Variants in SORCS2 observed in about 807,000 individuals in gnomAD.
SORCS2 encodes VPS10 domain-containing receptor SorCS2.
Under a neutral mutation model 141.6 loss-of-function variants are expected in SORCS2, and 100 were observed. The ratio of observed to expected loss-of-function variants is 0.71; its 90% CI spans 0.60 to 0.83. The LOEUF is 0.83. SORCS2 is among the 40% of genes least tolerant of loss of function. SORCS2 has a pLI of 0.00. For synonymous variants in SORCS2, 789 were observed against 676.9 expected (o/e 1.17, Z -2.57); for missense variants, 1,646 against 1,560.2 (o/e 1.05, Z -0.93).
At chr4:7,720,344 C>G (rs1474249838) in intron 18 of SORCS2, among the ~76,000 whole-genome samples, 7 of 152,128 alleles carry the variant, frequency 4.6e-5, no homozygotes, top group Admixed American at 4.6e-4. Context: ...CAACCTAAAC[C>G]TCACACCCGA....
At chr4:7,717,731 T>C (rs1726288913) in intron 17 of SORCS2, among the ~76,000 whole-genome samples, 1 of 152,152 alleles carries the variant, frequency 6.6e-6, no homozygotes, top group Non-Finnish European at 1.5e-5. Flanking sequence ...TTACTGTTAC[T>C]GTGAGTAATA....
Position 7,699,908 on chromosome 4 carries a change from GC to G in SORCS2, c.1668+2638del, listed in dbSNP as rs544133905. The stretch of plus-strand genomic sequence containing the variant: ...AAATCATTGTGGGAGCCTCTAACGA[GC>G]CCCTGCCCCTCTTGTCCGTCTCTCC... On this transcript the variant is annotated intron_variant, in intron 12 of 26. Transcript: ENST00000507866. Among the ~76,000 whole-genome samples the G allele has an allele frequency of 4.6e-5, 7 of 152,240 alleles. No individual in the cohort carries two copies. The South Asian group carries it at 1.5e-3, about 32-fold the overall frequency.
intron 2 of SORCS2, among the ~76,000 whole-genome samples, chr4:7,521,357 G>A (rs1733318281): frequency 6.6e-6 from 1 of 152,082 alleles, no homozygotes; most frequent in Non-Finnish European, 1.5e-5. Context: ...TCCGGCACCG[G>A]GCTGCACTTC....
intron 12 of SORCS2, among the ~76,000 whole-genome samples, chr4:7,701,127 C>G (rs1479974550): frequency 6.6e-6 from 1 of 152,016 alleles, no homozygotes; most frequent in East Asian, 1.9e-4. Context: ...GGCACCACCC[C>G]TCTGTGTCAT....
At chr4:7,715,525 T>A (rs1226646994) in intron 17 of SORCS2, among the ~76,000 whole-genome samples, 2 of 152,178 alleles carry the variant, frequency 1.3e-5, no homozygotes, top group African/African-American at 4.8e-5. Context: ...TGAATGACCT[T>A]AGCTCCCAGG....
intron 1 of SORCS2, among the ~76,000 whole-genome samples, chr4:7,214,126 AGCTCTCCCCACTGGG>A (rs1284831960): frequency 2.0e-5 from 3 of 152,138 alleles, no homozygotes; most frequent in African/African-American, 7.2e-5. Flanking sequence ...CTTTGCTTGC[AGCTCTCCCCACTGGG>A]GACAGCTGGT....
intron 2 of SORCS2, among the ~76,000 whole-genome samples, chr4:7,492,548 C>T (rs114752787): frequency 0.012 from 1,844 of 152,290 alleles, 19 homozygotes; most frequent in Non-Finnish European, 0.017. Context: ...GATTTTATTT[C>T]CTTTTGCTAT....
chr4:7,739,938 G>A (rs1043981738), intron 26 of SORCS2, among the ~76,000 whole-genome samples: 1 of 152,200 alleles, frequency 6.6e-6, no homozygotes, highest in African/African-American at 2.4e-5. Context: ...GTCAGTGGCT[G>A]TGGCGGGTTG....
At chr4:7,503,092 G>T (rs547807354) in intron 2 of SORCS2, among the ~76,000 whole-genome samples, 1 of 152,208 alleles carries the variant, frequency 6.6e-6, no homozygotes, top group East Asian at 1.9e-4. Flanking sequence ...AGGGGCTGGG[G>T]AATATATCTG....
intron 1 of SORCS2, among the ~76,000 whole-genome samples, chr4:7,346,927 C>G (rs1011753800): frequency 9.2e-5 from 14 of 152,266 alleles, no homozygotes; most frequent in African/African-American, 2.9e-4. Flanking sequence ...GGGAGCATGT[C>G]AAGCCTATTT....
At chr4:7,591,052 G>A (rs1309476639) in intron 3 of SORCS2, among the ~76,000 whole-genome samples, 2 of 152,194 alleles carry the variant, frequency 1.3e-5, no homozygotes, top group Non-Finnish European at 2.9e-5. Context: ...AGCACACTTG[G>A]CGGGTCTCAA....
intron 1 of SORCS2, among the ~76,000 whole-genome samples, chr4:7,335,048 G>T (rs947034845): frequency 1.2e-4 from 19 of 152,264 alleles, no homozygotes; most frequent in Non-Finnish European, 2.5e-4. Flanking sequence ...AGTAGCAGTG[G>T]GGAGCCATGG....
chr4:7,303,909 G>C (rs1401849909), intron 1 of SORCS2, among the ~76,000 whole-genome samples: 1 of 152,264 alleles, frequency 6.6e-6, no homozygotes, highest in African/African-American at 2.4e-5. Context: ...GCAGGGGCCT[G>C]AGGGGCCAAG....
chr4:7,587,236 G>C (rs1244518733), intron 3 of SORCS2, among the ~76,000 whole-genome samples: 1 of 152,104 alleles, frequency 6.6e-6, no homozygotes, highest in Non-Finnish European at 1.5e-5. Flanking sequence ...AGAGAGTTGA[G>C]GGGTTTTAGG....
In SORCS2 at chr4:7,333,118, GCCGTGCA is replaced by G. The variant is rs1719759359; in HGVS notation, c.481-63169_481-63163del. Among the ~76,000 whole-genome samples the G allele has an allele frequency of 2.0e-5, 3 of 152,180 alleles. No individual in the cohort carries two copies. The South Asian group carries it at 6.2e-4, about 32-fold the overall frequency. ...CAAGTGGATGGGACAAGGCGGTGTG[GCCGTGCA>G]GGCAGGAAGGCAGCCTGCCCCACCT... On this transcript the variant is annotated intron_variant, in intron 1 of 26. Transcript: ENST00000507866.
intron 3 of SORCS2, among the ~76,000 whole-genome samples, chr4:7,578,711 C>G (rs942505195): frequency 6.6e-6 from 1 of 152,210 alleles, no homozygotes; most frequent in South Asian, 2.1e-4. Flanking sequence ...TTGTTCCCAC[C>G]CCGACTTGAC....
At chr4:7,591,257 C>T (rs1275581839) in intron 3 of SORCS2, among the ~76,000 whole-genome samples, 1 of 152,214 alleles carries the variant, frequency 6.6e-6, no homozygotes, top group Non-Finnish European at 1.5e-5. Flanking sequence ...TGCCTCCTCT[C>T]TCCTTCCTAA....
In SORCS2 at chr4:7,193,684, GCGGC is replaced by G. The variant is rs1553889522; in HGVS notation, c.480+559_480+562del. ...TCCCCGGGGTACTCTAGTGCGACCC[GCGGC>G]TGTCTTGAGCTCTTGCTGCCGGTCG... On this transcript the variant is annotated intron_variant, in intron 1 of 26. Coordinates refer to ENST00000507866, the MANE Select transcript of SORCS2 (RefSeq NM_020777.3). The surrounding 1 kb of genome is among the most constrained non-coding windows in gnomAD (Gnocchi z 4.8). Among the ~76,000 whole-genome samples the G allele has an allele frequency of 5.9e-5, 9 of 152,160 alleles. No homozygotes were observed. Among genetic ancestry groups the G allele is most frequent in the Non-Finnish European group, 1.3e-4 (9 of 68,020 alleles).
intron 1 of SORCS2, among the ~76,000 whole-genome samples, chr4:7,210,503 A>T (rs1728000221): frequency 1.3e-5 from 2 of 151,980 alleles, no homozygotes; most frequent in African/African-American, 4.8e-5. Context: ...CTGGTGTTGA[A>T]CTCCTGGGCT....
Sources: allele counts gnomAD v4.1 joint callset (sites outside exome capture counted in the v4.1 genomes callset), GRCh38; gene constraint gnomAD v4.1.1; non-coding constraint Gnocchi (gnomAD v3.1); transcripts MANE v1.5; gene names NCBI Gene and HGNC (gene_info 2026-07-23, HGNC 2026-07-21).